The following TCF12 variants were observed in gnomAD, a reference collection of about 807,000 sequenced individuals.
TCF12 encodes the protein transcription factor 12.
Under a neutral mutation model 86.0 loss-of-function variants are expected in TCF12, and 45 were observed. The observed-to-expected ratio is 0.52, with a 90% CI of 0.41 to 0.67. TCF12 has a LOEUF of 0.67. Among genes scored for constraint, TCF12 ranks in the 30% least tolerant of loss-of-function variants. The pLI, the probability that TCF12 is intolerant of heterozygous loss-of-function variation, is 0.00. For synonymous variants in TCF12, 330 were observed against 299.6 expected, an observed-to-expected ratio of 1.10 and a Z score of -1.05; for missense variants, 881 against 859.9, an observed-to-expected ratio of 1.02 and a Z score of -0.31.
intron 19 of TCF12, among the ~76,000 whole-genome samples, chr15:57,273,912 A>G (rs2061260932): frequency 6.6e-6 from 1 of 152,182 alleles, no homozygotes; most frequent in Admixed American, 6.5e-5. Flanking sequence ...AGAAACTTTG[A>G]AACTTCATTT....
intron 5 of TCF12, among the ~76,000 whole-genome samples, chr15:57,136,224 G>A (rs990413059): frequency 6.6e-6 from 1 of 152,180 alleles, no homozygotes; most frequent in Non-Finnish European, 1.5e-5. Context: ...AAAAATTGCT[G>A]ACATCTTTGC....
intron 5 of TCF12, among the ~76,000 whole-genome samples, chr15:57,110,227 T>C (rs2050395897): frequency 6.6e-6 from 1 of 152,210 alleles, no homozygotes; most frequent in Admixed American, 6.5e-5. Flanking sequence ...TTAATTAATG[T>C]GATCAAGGTA....
At chr15:57,080,230 C>T (rs1216761374) in intron 4 of TCF12, among the ~76,000 whole-genome samples, 1 of 152,216 alleles carries the variant, frequency 6.6e-6, no homozygotes, top group Non-Finnish European at 1.5e-5. Flanking sequence ...CTCACAGTTA[C>T]ACCTACCTCT....
At chr15:57,255,977 A>G (rs1461185662) in intron 16 of TCF12, among the ~76,000 whole-genome samples, 1 of 152,168 alleles carries the variant, frequency 6.6e-6, no homozygotes, top group Non-Finnish European at 1.5e-5. Flanking sequence ...AGAGCTGTGG[A>G]AAATCTGCCA....
chr15:56,940,537 T>G (rs1292342311), intron 3 of TCF12, among the ~76,000 whole-genome samples: 1 of 150,614 alleles, frequency 6.6e-6, no homozygotes, highest in Non-Finnish European at 1.5e-5. Flanking sequence ...CTTCTCCTTC[T>G]TCTCCTTCTT....
chr15:57,105,986 A>G (rs746180955), intron 5 of TCF12, among the ~76,000 whole-genome samples: 4 of 152,236 alleles, frequency 2.6e-5, no homozygotes, highest in Admixed American at 6.5e-5. Flanking sequence ...GCTCCTGTCT[A>G]GGACCAAAGC....
At chr15:56,952,321 T>C (rs945089842) in intron 3 of TCF12, among the ~76,000 whole-genome samples, 8 of 152,014 alleles carry the variant, frequency 5.3e-5, no homozygotes, top group African/African-American at 1.9e-4. Context: ...AATCAGTTTG[T>C]ATAGTCTTCC....
chr15:56,990,797 T>G (rs1471383080), intron 3 of TCF12, among the ~76,000 whole-genome samples: 5 of 59,358 alleles, frequency 8.4e-5, no homozygotes, highest in African/African-American at 2.7e-4. Flanking sequence ...TTTTTTCTTT[T>G]TCTTTTTTTT....
At chr15:57,170,778 A>T (rs1282450154) in intron 6 of TCF12, among the ~76,000 whole-genome samples, 6 of 53,152 alleles carry the variant, frequency 1.1e-4, no homozygotes, top group Admixed American at 7.4e-4. Flanking sequence ...TATTATATAT[A>T]ATATATATAT....
intron 5 of TCF12, among the ~76,000 whole-genome samples, chr15:57,101,721 C>T (rs1050489553): frequency 1.3e-5 from 2 of 152,154 alleles, no homozygotes; most frequent in Non-Finnish European, 2.9e-5. Flanking sequence ...GGTGGTTCCA[C>T]AGTCATTCTT....
At chr15:57,276,782 ATTCTTTTTTTT>A (rs1258665005) in intron 19 of TCF12, among the ~76,000 whole-genome samples, 1 of 149,160 alleles carries the variant, frequency 6.7e-6, no homozygotes, top group African/African-American at 2.5e-5. Context: ...TCAACCTAGA[ATTCTTTTTTTT>A]TTCTTTTTTT....
At chr15:57,238,930 A>G (rs1237238820) in intron 12 of TCF12, among the ~76,000 whole-genome samples, 2 of 152,240 alleles carry the variant, frequency 1.3e-5, no homozygotes, top group Non-Finnish European at 2.9e-5. Flanking sequence ...GGGAAGTGAC[A>G]TTGGAACTGA....
intron 8 of TCF12, among the ~76,000 whole-genome samples, chr15:57,221,383 G>GGGT (rs1555399492): frequency 4.0e-5 from 6 of 148,640 alleles, no homozygotes; most frequent in African/African-American, 1.5e-4. Context: ...ATGTGTGTGG[G>GGGT]GTGTGTGTGT....
intron 5 of TCF12, among the ~76,000 whole-genome samples, chr15:57,148,384 G>A (rs2053514030): frequency 1.3e-5 from 2 of 148,430 alleles, no homozygotes; most frequent in African/African-American, 2.5e-5. Context: ...CTGCACTCCA[G>A]CCTGGGCAGC....
intron 5 of TCF12, among the ~76,000 whole-genome samples, chr15:57,114,610 A>G (rs1292866521): frequency 6.6e-6 from 1 of 152,050 alleles, no homozygotes; most frequent in Non-Finnish European, 1.5e-5. Flanking sequence ...TAATGTTTTT[A>G]TAAACAGTTA....
chr15:57,104,477 T>C (rs1343723132), intron 5 of TCF12, among the ~76,000 whole-genome samples: 1 of 147,216 alleles, frequency 6.8e-6, no homozygotes, highest in East Asian at 2.0e-4. Context: ...AGTCTTTTTC[T>C]GTTGCCCAGG....
chr15:57,072,107 T>C (rs1321828309), intron 4 of TCF12, among the ~76,000 whole-genome samples: 1 of 152,154 alleles, frequency 6.6e-6, no homozygotes, highest in African/African-American at 2.4e-5. Flanking sequence ...AAAAATAGGA[T>C]GATCTGAAAA....
At chr15:57,094,286 T>C (rs186246356) in intron 5 of TCF12, among the ~76,000 whole-genome samples, 1 of 152,302 alleles carries the variant, frequency 6.6e-6, no homozygotes, top group Admixed American at 6.5e-5. Flanking sequence ...ATTAAGTAGA[T>C]AGGTTCAAAA....
At chr15:57,077,443 CTGTT>C (rs2070210794) in intron 4 of TCF12, among the ~76,000 whole-genome samples, 2 of 143,914 alleles carry the variant, frequency 1.4e-5, no homozygotes, top group African/African-American at 5.3e-5. Context: ...GACATGATCT[CTGTT>C]AGTATTTTTA....
Sources: allele counts gnomAD v4.1 joint callset (sites outside exome capture counted in the v4.1 genomes callset), GRCh38; gene constraint gnomAD v4.1.1; transcripts MANE v1.5; gene names NCBI Gene and HGNC (gene_info 2026-07-23, HGNC 2026-07-21).